The following DRC4 variants were observed in gnomAD, a reference collection of about 807,000 sequenced individuals.
DRC4 encodes the protein GAS-11.
the DRC4 span, chr16:90,027,845 C>A: frequency 1.2e-6 from 1 of 826,520 alleles, no homozygotes; most frequent in South Asian, 1.6e-5. Flanking sequence ...AGAACACGCC[C>A]CCCGCGTGGC....
chr16:90,027,368 G>A, the DRC4 span, among the ~76,000 whole-genome samples: 137 of 152,250 alleles, frequency 9.0e-4, no homozygotes, highest in African/African-American at 3.0e-3. Flanking sequence ...GATTACAGGC[G>A]TGAGCCACCA....
chr16:90,043,350 C>G, the DRC4 span: 9 of 1,604,472 alleles, frequency 5.6e-6, no homozygotes, highest in Non-Finnish European at 7.7e-6. Flanking sequence ...ACGTAGCTGC[C>G]CCCCTGGGGG....
chr16:90,024,150 A>ACACACACC, the DRC4 span, among the ~76,000 whole-genome samples: 1 of 151,156 alleles, frequency 6.6e-6, no homozygotes, highest in African/African-American at 2.4e-5. Flanking sequence ...TCACACACAC[A>ACACACACC]CACACACAAA....
the DRC4 span, chr16:90,019,845 C>T: frequency 4.4e-6 from 3 of 684,490 alleles, no homozygotes; most frequent in South Asian, 3.0e-5. This position sits in a 1 kb window ranked among gnomAD's most constrained non-coding sequence, Gnocchi z 6.1. Context: ...GCCTGACTCG[C>T]GCTGGGTAAT....
At chr16:90,024,842 GCAACAGCAAACA>G in the DRC4 span, among the ~76,000 whole-genome samples, 5 of 151,878 alleles carry the variant, frequency 3.3e-5, no homozygotes, top group African/African-American at 4.8e-5. Context: ...ACAAAAAAAT[GCAACAGCAAACA>G]CAACAGCAAA....
At chr16:90,028,173 A>ATTTTTTTTTTTTTTTTTTTTT in the DRC4 span, among the ~76,000 whole-genome samples, 1 of 63,836 alleles carries the variant, frequency 1.6e-5, no homozygotes, top group African/African-American at 6.8e-5. Context: ...TTAATCGTTC[A>ATTTTTTTTTTTTTTTTTTTTT]TTTTTTTTTT....
chr16:90,044,393 C>T, the DRC4 span: 2 of 432,270 alleles, frequency 4.6e-6, no homozygotes, highest in Middle Eastern at 7.1e-4. Context: ...CTGCCACCGC[C>T]CAGGACCAGT....
At chr16:90,023,676 ACCG>A in the DRC4 span, among the ~76,000 whole-genome samples, 2 of 150,982 alleles carry the variant, frequency 1.3e-5, no homozygotes, top group Non-Finnish European at 1.5e-5. Context: ...TCTTCTGAAA[ACCG>A]ACTATGAAAG....
chr16:90,028,173 A>ATTTTCTTTTTTTTT, the DRC4 span, among the ~76,000 whole-genome samples: 1 of 63,836 alleles, frequency 1.6e-5, no homozygotes, highest in African/African-American at 6.8e-5. Flanking sequence ...TTAATCGTTC[A>ATTTTCTTTTTTTTT]TTTTTTTTTT....
chr16:90,022,923 G>A, the DRC4 span, among the ~76,000 whole-genome samples: 1 of 152,162 alleles, frequency 6.6e-6, no homozygotes, highest in African/African-American at 2.4e-5. Context: ...GGCAGCACTC[G>A]GGACTGAGAC....
the DRC4 span, chr16:90,044,452 T>G: frequency 4.3e-6 from 2 of 467,950 alleles, no homozygotes; most frequent in Non-Finnish European, 8.9e-6. Flanking sequence ...GGCCTGCAGA[T>G]CCCAGTGAGT....
chr16:90,031,367 G>A, the DRC4 span: 1 of 1,613,332 alleles, frequency 6.2e-7, no homozygotes, highest in East Asian at 2.2e-5. Context: ...ACTACTTCCA[G>A]CTGGAGCGGG....
the DRC4 span, among the ~76,000 whole-genome samples, chr16:90,033,192 G>T: frequency 6.6e-6 from 1 of 152,304 alleles, no homozygotes; most frequent in East Asian, 1.9e-4. Context: ...TCTTTCATGT[G>T]CTGCTGACAC....
the DRC4 span, chr16:90,022,808 C>G: frequency 8.2e-7 from 1 of 1,219,854 alleles, no homozygotes; most frequent in East Asian, 3.1e-5. Context: ...CACGGAGACC[C>G]TGGGAATGGG....
chr16:90,028,318 G>A, the DRC4 span, among the ~76,000 whole-genome samples: 1 of 151,492 alleles, frequency 6.6e-6, no homozygotes, highest in African/African-American at 2.4e-5. Flanking sequence ...CCGAGTAGCT[G>A]GGACTACAGG....
At chr16:90,025,089 T>A in the DRC4 span, among the ~76,000 whole-genome samples, 1 of 150,198 alleles carries the variant, frequency 6.7e-6, no homozygotes, top group African/African-American at 2.4e-5. Flanking sequence ...TGATCTTGGC[T>A]CACTGCAACC....
the DRC4 span, chr16:90,029,200 A>ACGGGGCAGGCTG: frequency 4.4e-6 from 6 of 1,352,662 alleles, no homozygotes; most frequent in South Asian, 2.3e-5. Flanking sequence ...GGGGCAGCCT[A>ACGGGGCAGGCTG]CGGGGCAGGC....
chr16:90,043,557 G>C, the DRC4 span: 1 of 600,068 alleles, frequency 1.7e-6, no homozygotes, highest in African/African-American at 1.8e-5. Flanking sequence ...CCTTCCCTGG[G>C]TGCCGCACGT....
chr16:90,020,478 G>C, the DRC4 span, among the ~76,000 whole-genome samples: 2 of 152,190 alleles, frequency 1.3e-5, no homozygotes, highest in Non-Finnish European at 2.9e-5. Flanking sequence ...CGGTTTGTTT[G>C]TATTAACATT....
Sources: gnomAD v4.1 joint callset for allele counts (sites outside exome capture counted in the v4.1 genomes callset) on GRCh38, gnomAD v4.1.1 for gene constraint, Gnocchi (gnomAD v3.1) non-coding constraint, MANE v1.5 for transcripts, NCBI Gene and HGNC (gene_info 2026-07-23, HGNC 2026-07-21) for gene names.